The following SH3BP4 variants were observed in gnomAD, a reference collection of about 807,000 sequenced individuals.
SH3BP4 encodes SH3 domain-binding protein 4.
Under a neutral mutation model 65.5 loss-of-function variants are expected in SH3BP4, and 33 were observed. The ratio of observed to expected loss-of-function variants is 0.50; its 90% CI spans 0.38 to 0.67. The LOEUF is 0.67. Ranked by LOEUF, SH3BP4 falls within the 30% of genes least tolerant of loss-of-function variation. The pLI, the probability that SH3BP4 is intolerant of heterozygous loss-of-function variation, is 0.00. For synonymous variants in SH3BP4, 552 were observed against 545.5 expected, an observed-to-expected ratio of 1.01 and a Z score of -0.17; for missense variants, 1,134 against 1,261.4, an observed-to-expected ratio of 0.90 and a Z score of 1.53.
intron 5 of SH3BP4, 130 bp from the exon 6 acceptor site, chr2:235,053,462 C>G: frequency 1.5e-6 from 1 of 685,334 alleles, no homozygotes; most frequent in South Asian, 1.8e-5. Flanking sequence ...GTGGGCTTGT[C>G]TCACTCGTGA....
intron 1 of SH3BP4, among the ~76,000 whole-genome samples, chr2:234,984,530 G>C (rs1693486972): frequency 6.6e-6 from 1 of 152,156 alleles, no homozygotes; most frequent in African/African-American, 2.4e-5. Flanking sequence ...AAAAATGTCA[G>C]ATGAGGAATC....
Position 235,041,107 on chromosome 2 carries a change from A to G in SH3BP4, c.338A>G (p.Asn113Ser). 1 of 1,614,168 alleles carries G rather than the reference A, an allele frequency of 6.2e-7. No individual in the cohort carries two copies. Among genetic ancestry groups the G allele is most frequent in the East Asian group, 2.2e-5 (1 of 44,880 alleles). Residue 113 changes from asparagine to serine, a missense_variant, in exon 4 of 6, where the codon AAC becomes AGC. By Grantham distance (46) the Asn-to-Ser change is conservative (BLOSUM62 1). Coordinates refer to ENST00000392011, the MANE Select transcript of SH3BP4 (RefSeq NM_014521.3). The surrounding 1 kb of genome is among the most constrained non-coding windows in gnomAD (Gnocchi z 6.0). Reference protein sequence around the residue: ...YIPSSYVQPLNYRNSTLSDSG... With the variant: ...YIPSSYVQPLSYRNSTLSDSG... ...CCCTCCTCCTATGTGCAGCCCTTGA[A>G]CTACCGGAACTCAACACTGAGTGAC... is the stretch of plus-strand genomic sequence containing the variant.
At position 235,035,028 on chromosome 2, in the gene SH3BP4, C is replaced by T. The variant is rs763277193; in HGVS notation, c.26C>T (p.Ala9Val). MAAQRIRA[A>V]NSNGLPRCKS... The stretch of plus-strand genomic sequence containing the variant: ...ATGGCGGCTCAGCGGATCCGAGCGG[C>T]CAACTCCAATGGCCTCCCTCGCTGC... Residue 9 changes from alanine (A) to valine (V), a missense_variant, in exon 3 of 6, where the codon GCC becomes GTC. Transcript: ENST00000392011. This position sits in a 1 kb window ranked among gnomAD's most constrained non-coding sequence, Gnocchi z 5.0. The T allele has an allele frequency of 3.1e-6, 5 of 1,613,986 alleles. No homozygotes were observed. Among genetic ancestry groups the T allele is most frequent in the East Asian group, 4.5e-5 (2 of 44,870 alleles).
intron 1 of SH3BP4, among the ~76,000 whole-genome samples, chr2:234,984,487 G>A (rs1268186106): frequency 6.6e-6 from 1 of 152,096 alleles, no homozygotes; most frequent in African/African-American, 2.4e-5. Flanking sequence ...GAAATTACAG[G>A]CATGAGCCAC....
At chr2:235,005,712 CAT>C (rs1266706479) in intron 2 of SH3BP4, among the ~76,000 whole-genome samples, 1 of 152,192 alleles carries the variant, frequency 6.6e-6, no homozygotes, top group Non-Finnish European at 1.5e-5. Flanking sequence ...AAAGGAAGCA[CAT>C]GTTTGCTGAA....
chr2:235,001,851 GTTTTGTT>G (rs1694110569), intron 2 of SH3BP4, among the ~76,000 whole-genome samples: 1 of 152,102 alleles, frequency 6.6e-6, no homozygotes, highest in Non-Finnish European at 1.5e-5. Context: ...AGGGTGAGGT[GTTTTGTT>G]TTTTGTTTTT....
intron 1 of SH3BP4, among the ~76,000 whole-genome samples, chr2:234,961,628 CT>C (rs1211206482): frequency 6.6e-6 from 1 of 152,044 alleles, no homozygotes; most frequent in African/African-American, 2.4e-5. Context: ...TGCCTTGCTT[CT>C]TTTGTCTTGT....
intron 1 of SH3BP4, among the ~76,000 whole-genome samples, chr2:234,961,258 C>T (rs1395357142): frequency 6.6e-6 from 1 of 152,110 alleles, no homozygotes; most frequent in East Asian, 1.9e-4. Context: ...ATCATTGTCC[C>T]TGTGGTTTTT....
In SH3BP4 at chr2:235,038,376, CATATATATAT is replaced by C. The variant is rs1177080438; in HGVS notation, c.119-2481_119-2472del. Among the ~76,000 whole-genome samples the C allele has an allele frequency of 5.9e-3, 72 of 12,292 alleles. 2 individuals are homozygous for C. Among genetic ancestry groups the C allele is most frequent in the African/African-American group, 9.2e-3 (25 of 2,718 alleles). 8.1% of individuals were successfully genotyped at this position (12,292 alleles called of 152,430 possible). ...TATATATATATATATAATATATATA[CATATATATAT>C]ATATATATATATATATATATATATA... On this transcript the variant is annotated intron_variant, in intron 3 of 5. Coordinates refer to ENST00000392011, the MANE Select transcript of SH3BP4 (RefSeq NM_014521.3).
chr2:234,997,091 G>C lies in SH3BP4; in HGVS notation c.-133+1715G>C, dbSNP rs1382058820. 6.6e-6 allele frequency among the ~76,000 whole-genome samples: 1 copy of C among 152,236 alleles called. No homozygotes were observed. Among genetic ancestry groups the C allele is most frequent in the East Asian group, 1.9e-4 (1 of 5,186 alleles). ...GAGCCCGGTGAGGGAGGTGCACCCAGACTTGCCCTGGATACAGCGGGCAGA... is the reference window on the plus strand; with the variant it reads ...GAGCCCGGTGAGGGAGGTGCACCCACACTTGCCCTGGATACAGCGGGCAGA... On this transcript the variant is annotated intron_variant, in intron 2 of 5. Transcript: ENST00000392011. This position sits in a 1 kb window ranked among gnomAD's most constrained non-coding sequence, Gnocchi z 4.2.
At position 235,040,926 on chromosome 2, in the gene SH3BP4, C is replaced by T. The variant is rs750013467; in HGVS notation, c.157C>T (p.Pro53Ser). 20 of 1,614,032 alleles carry T rather than the reference C, an allele frequency of 1.2e-5. No homozygotes were observed. In the Middle Eastern group the frequency reaches 4.9e-4, roughly 40 times the overall value. ...PSALLVDNPT[P>S]FGNAKEVIAI... ...TGCCTTGCTCGTAGACAACCCCACA[C>T]CTTTCGGAAATGCAAAGGAAGTGAT... Residue 53 changes from proline (P) to serine (S), a missense_variant, in exon 4 of 6, where the codon CCT becomes TCT. Pro to Ser is a moderately conservative substitution (Grantham distance 74). Transcript: ENST00000392011.
At position 234,991,437 on chromosome 2, in the gene SH3BP4, A is replaced by G. The variant is rs1363538772; in HGVS notation, c.-206-3866A>G. On this transcript the variant is annotated intron_variant, in intron 1 of 5. Transcript: ENST00000392011. This position sits in a 1 kb window ranked among gnomAD's most constrained non-coding sequence, Gnocchi z 4.2. ...ACACTTGTGTTTTGAGCTGCTGAAG[A>G]CAACAGAATCTTGTCTTCTTGGCAT... Among the ~76,000 whole-genome samples, 1 of 152,210 alleles carries G rather than the reference A, an allele frequency of 6.6e-6. No homozygotes were observed. Among genetic ancestry groups the G allele is most frequent in the Non-Finnish European group, 1.5e-5 (1 of 68,042 alleles).
intron 3 of SH3BP4, among the ~76,000 whole-genome samples, chr2:235,038,498 A>G (rs1695532473): frequency 7.0e-6 from 1 of 143,586 alleles, no homozygotes; most frequent in South Asian, 2.2e-4. Context: ...AAAGCATGCA[A>G]ACTTACTTAA....
In SH3BP4 at chr2:235,034,572, C is replaced by T. The variant is rs1419212752; in HGVS notation, c.-132-299C>T. ...CTTTGACTGTAATGAATGGACTGGC[C>T]AGGTGCTGGAGCACATTTCGCAAAC... On this transcript the variant is annotated intron_variant, in intron 2 of 5. Transcript: ENST00000392011. The surrounding 1 kb of genome is among the most constrained non-coding windows in gnomAD (Gnocchi z 6.2). Among the ~76,000 whole-genome samples the T allele has an allele frequency of 2.6e-5, 4 of 152,206 alleles. No individual in the cohort carries two copies. Among genetic ancestry groups the T allele is most frequent in the Non-Finnish European group, 5.9e-5 (4 of 68,038 alleles).
In SH3BP4 at chr2:235,055,654, TA is replaced by T. The variant is rs1343875878; in HGVS notation, c.*1840del. ...ATTTTATTTGGATATTTTAACCTGT[TA>T]AGTGTGTGTGTGTTTTCTGTACCCA... On this transcript the variant is annotated 3_prime_UTR_variant, in exon 6 of 6. Coordinates refer to ENST00000392011, the MANE Select transcript of SH3BP4 (RefSeq NM_014521.3). 6.6e-6 allele frequency: 1 copy of T among 152,658 alleles called. No homozygotes were observed. Among genetic ancestry groups the T allele is most frequent in the African/African-American group, 2.4e-5 (1 of 41,456 alleles). 9.5% of individuals were successfully genotyped at this position (152,658 alleles called of 1,614,324 possible). A position where few individuals can be genotyped will look rare whatever the true frequency, so the allele number is the denominator to read the frequency against.
At chr2:234,999,530 G>A (rs551658391) in intron 2 of SH3BP4, among the ~76,000 whole-genome samples, 15 of 152,258 alleles carry the variant, frequency 9.9e-5, no homozygotes, top group African/African-American at 2.4e-4. Context: ...ACCTGGATGC[G>A]TTTCATTCTT....
intron 1 of SH3BP4, among the ~76,000 whole-genome samples, chr2:234,954,154 T>A (rs1692537432): frequency 6.6e-6 from 1 of 152,066 alleles, no homozygotes; most frequent in Non-Finnish European, 1.5e-5. Context: ...GACACTTCTG[T>A]GAGCTTTATT....
chr2:235,052,812 T>G lies in SH3BP4; in HGVS notation c.2667+62T>G. On this transcript the variant is annotated intron_variant, in intron 5 of 5. Transcript: ENST00000392011. The surrounding 1 kb of genome is among the most constrained non-coding windows in gnomAD (Gnocchi z 5.0). The stretch of plus-strand genomic sequence containing the variant: ...TCTGTCCCTGGGTTCCGTGGACCCA[T>G]GCAGTGCAGCCATAAAAAGTCTTGC... The G allele has an allele frequency of 7.0e-7, 1 of 1,419,636 alleles. No homozygotes were observed. The highest frequency in any genetic ancestry group is 9.5e-7 in the Non-Finnish European group (1 of 1,056,794). 87.9% of individuals were successfully genotyped at this position (1,419,636 alleles called of 1,614,324 possible). A position where few individuals can be genotyped will look rare whatever the true frequency, so the allele number is the denominator to read the frequency against.
At position 235,055,337 on chromosome 2, in the gene SH3BP4, CT is replaced by C. The variant is rs1448392247; in HGVS notation, c.*1523del. The C allele has an allele frequency of 6.6e-6, 1 of 152,582 alleles. No individual in the cohort carries two copies. The highest frequency in any genetic ancestry group is 1.9e-4 in the East Asian group (1 of 5,192). The allele number at this position is 152,582 out of a possible 1,614,324, so 9.5% of individuals were successfully genotyped here. ...ACTGGCCTGAAACGTTGTATAGCTA[CT>C]TATTCAGATACTGAAGACCAACGGA... On this transcript the variant is annotated 3_prime_UTR_variant, in exon 6 of 6. Coordinates refer to ENST00000392011, the MANE Select transcript of SH3BP4 (RefSeq NM_014521.3).
Sources: gnomAD v4.1 joint callset for allele counts (sites outside exome capture counted in the v4.1 genomes callset) on GRCh38, gnomAD v4.1.1 for gene constraint, Gnocchi (gnomAD v3.1) non-coding constraint, MANE v1.5 for transcripts, NCBI Gene and HGNC (gene_info 2026-07-23, HGNC 2026-07-21) for gene names.